The following LRRC4C variants were observed in gnomAD, a reference collection of about 807,000 sequenced individuals.
LRRC4C encodes leucine rich repeat containing 4C.
LRRC4C carries 5 observed loss-of-function variants against 33.6 expected under a neutral mutation model. That is an observed-to-expected ratio of 0.15 (90% CI 0.08 to 0.31). The LOEUF is 0.31. Ranked by LOEUF, LRRC4C falls within the 10% of genes least tolerant of loss-of-function variation. The probability of loss-of-function intolerance (pLI) is 1.00; values close to 1 mark genes in which losing one functional copy is unlikely to be tolerated. For synonymous variants in LRRC4C, 329 were observed against 302.0 expected (o/e 1.09, Z -0.93); for missense variants, 560 against 796.7 (o/e 0.70, Z 3.58).
chr11:40,749,804 T>A (rs1259844409), intron 2 of LRRC4C, among the ~76,000 whole-genome samples: 1 of 151,738 alleles, frequency 6.6e-6, no homozygotes. Flanking sequence ...CAAGGAGACA[T>A]CAAAACTGAT....
chr11:41,432,619 A>G (rs1955278560), intron 1 of LRRC4C, among the ~76,000 whole-genome samples: 1 of 152,186 alleles, frequency 6.6e-6, no homozygotes, highest in Non-Finnish European at 1.5e-5. Flanking sequence ...AGAAAAATTA[A>G]GGAAAGATGT....
At chr11:41,084,238 A>G (rs1939790445) in intron 1 of LRRC4C, among the ~76,000 whole-genome samples, 2 of 152,162 alleles carry the variant, frequency 1.3e-5, no homozygotes, top group African/African-American at 4.8e-5. Context: ...GATTAAGAAA[A>G]GGAACTTTGG....
chr11:41,085,512 A>T (rs754951219), intron 1 of LRRC4C, among the ~76,000 whole-genome samples: 4 of 152,100 alleles, frequency 2.6e-5, no homozygotes, highest in African/African-American at 9.7e-5. Flanking sequence ...TAAAATATTA[A>T]TAATAATATA....
intron 1 of LRRC4C, among the ~76,000 whole-genome samples, chr11:40,969,685 A>G (rs1170625029): frequency 6.6e-6 from 1 of 152,180 alleles, no homozygotes; most frequent in East Asian, 1.9e-4. Context: ...AAAGTATACT[A>G]AGGTATATAC....
chr11:40,382,983 G>A (rs1448145340), intron 3 of LRRC4C, among the ~76,000 whole-genome samples: 1 of 151,950 alleles, frequency 6.6e-6, no homozygotes, highest in African/African-American at 2.4e-5. Flanking sequence ...GTGAGCCACC[G>A]CTCCCGGCCA....
rs113117889 is a variant in LRRC4C, at chr11:40,878,103, C to G, written c.-407+55532G>C. 2.0e-3 allele frequency among the ~76,000 whole-genome samples: 311 copies of G among 152,184 alleles called. 1 individual carries two copies. The highest frequency in any genetic ancestry group is 7.0e-3 in the African/African-American group (291 of 41,524). On this transcript the variant is annotated intron_variant, in intron 2 of 6. Coordinates refer to ENST00000528697, the MANE Select transcript of LRRC4C (RefSeq NM_001258419.2). ...GGCTTGTGAGCTTACCAAACTGTGA[C>G]TGAGATAAGTGTGCAGTGTGGGAAA...
chr11:40,203,124 A>G (rs1015074043), intron 5 of LRRC4C, among the ~76,000 whole-genome samples: 2 of 152,168 alleles, frequency 1.3e-5, no homozygotes, highest in Non-Finnish European at 2.9e-5. Context: ...CACAGACTCT[A>G]TTGGGAAATT....
At chr11:41,166,170 A>C (rs1944717892) in intron 1 of LRRC4C, among the ~76,000 whole-genome samples, 1 of 152,194 alleles carries the variant, frequency 6.6e-6, no homozygotes, top group African/African-American at 2.4e-5. Context: ...AAATAAAACA[A>C]GGTGCTCCAT....
intron 1 of LRRC4C, among the ~76,000 whole-genome samples, chr11:41,327,185 C>G (rs961074195): frequency 2.6e-5 from 4 of 152,072 alleles, no homozygotes; most frequent in Admixed American, 6.5e-5. Context: ...TTTTCATGGT[C>G]TTGGTATCAT....
At chr11:40,236,890 A>G (rs562293521) in intron 5 of LRRC4C, among the ~76,000 whole-genome samples, 67 of 152,186 alleles carry the variant, frequency 4.4e-4, no homozygotes, top group Non-Finnish European at 6.8e-4. Flanking sequence ...TGTGTCTCCT[A>G]ACACAGATTC....
chr11:41,392,734 ACATGTGATAATGAGTG>A (rs1043336215), intron 1 of LRRC4C, among the ~76,000 whole-genome samples: 12 of 139,126 alleles, frequency 8.6e-5, no homozygotes, highest in African/African-American at 2.9e-4. Context: ...GGGAAGAAAG[ACATGTGATAATGAGTG>A]CAGAAATTGG....
intron 3 of LRRC4C, among the ~76,000 whole-genome samples, chr11:40,549,821 G>A (rs1427524382): frequency 6.6e-6 from 1 of 151,142 alleles, no homozygotes; most frequent in Non-Finnish European, 1.5e-5. Context: ...GCATTTAAAT[G>A]GTGTTGAATC....
At chr11:40,192,297 G>T (rs538848539) in intron 5 of LRRC4C, among the ~76,000 whole-genome samples, 82 of 152,226 alleles carry the variant, frequency 5.4e-4, no homozygotes, top group African/African-American at 1.9e-3. Flanking sequence ...GGGTTAGATA[G>T]TGGGTGCAGC....
At chr11:41,402,957 T>C (rs958338237) in intron 1 of LRRC4C, among the ~76,000 whole-genome samples, 14 of 152,090 alleles carry the variant, frequency 9.2e-5, no homozygotes, top group Admixed American at 6.6e-4. Context: ...AGCTAATACA[T>C]GTTCACGCCG....
Position 41,433,742 on chromosome 11 carries a change from G to A in LRRC4C, c.-496+25689C>T, listed in dbSNP as rs1321882837. 2.6e-5 allele frequency among the ~76,000 whole-genome samples: 4 copies of A among 151,864 alleles called. No individual in the cohort carries two copies. In the East Asian group the frequency reaches 7.7e-4, roughly 29 times the overall value. ...TTCCTTGCTCCTCAGCTTGCAGACG[G>A]CCTATTGTGGGACCTTGTGATCCTG... is the stretch of plus-strand genomic sequence containing the variant. On this transcript the variant is annotated intron_variant, in intron 1 of 6. Transcript: ENST00000528697.
chr11:40,860,175 G>A (rs974419950), intron 2 of LRRC4C, among the ~76,000 whole-genome samples: 1 of 151,938 alleles, frequency 6.6e-6, no homozygotes, highest in South Asian at 2.1e-4. Context: ...CAAACACAGA[G>A]GGTCACACAT....
At chr11:40,423,048 G>A (rs554782425) in intron 3 of LRRC4C, among the ~76,000 whole-genome samples, 55 of 152,104 alleles carry the variant, frequency 3.6e-4, no homozygotes, top group African/African-American at 9.9e-4. Context: ...TCTGCTTGGC[G>A]GAAGTGATAT....
chr11:40,634,083 A>G (rs1963744548), intron 3 of LRRC4C, among the ~76,000 whole-genome samples: 1 of 152,214 alleles, frequency 6.6e-6, no homozygotes, highest in Admixed American at 6.5e-5. Context: ...ATTAGCTTCC[A>G]GGGTTGTTTT....
At chr11:40,663,610 A>G (rs1943562622) in intron 2 of LRRC4C, among the ~76,000 whole-genome samples, 1 of 152,194 alleles carries the variant, frequency 6.6e-6, no homozygotes, top group South Asian at 2.1e-4. Context: ...AATAAAAATA[A>G]TTTAGCCAGT....
Sources: gnomAD v4.1 joint callset for allele counts (sites outside exome capture counted in the v4.1 genomes callset) on GRCh38, gnomAD v4.1.1 for gene constraint, MANE v1.5 for transcripts, NCBI Gene and HGNC (gene_info 2026-07-23, HGNC 2026-07-21) for gene names.